The following GIGYF2 variants were observed in gnomAD, a reference collection of about 807,000 sequenced individuals.
The protein encoded by GIGYF2 is GRB10-interacting GYF protein 2.
A neutral mutation model predicts 208.1 loss-of-function variants in GIGYF2; 25 were observed. The observed-to-expected ratio is 0.12, with a 90% confidence interval of 0.09 to 0.17. The LOEUF (loss-of-function observed/expected upper bound fraction) is 0.17. Among genes scored for constraint, GIGYF2 ranks in the 10% least tolerant of loss-of-function variants. The pLI is 1.00. For synonymous variants in GIGYF2, 534 were observed against 543.8 expected (o/e 0.98, Z 0.25); for missense variants, 1,302 against 1,579.4 (o/e 0.82, Z 2.98).
Position 232,791,183 on chromosome 2 carries a change from C to T in GIGYF2, c.1093+13C>T, listed in dbSNP as rs565216399. On this transcript the variant is annotated intron_variant, in intron 11 of 28. Transcript: ENST00000373563. The stretch of plus-strand genomic sequence containing the variant: ...AGAGTAGGAGTTGGTAAGGCCTCTT[C>T]TTGCCCTTTGCCTTTTTTTTCCTCC... 7 of 1,613,958 alleles carry T rather than the reference C, an allele frequency of 4.3e-6. No individual in the cohort carries two copies. In the East Asian group the frequency reaches 1.3e-4, roughly 31 times the overall value.
intron 21 of GIGYF2, among the ~76,000 whole-genome samples, chr2:232,823,869 G>A (rs982682818): frequency 6.6e-6 from 1 of 152,146 alleles, no homozygotes; most frequent in Non-Finnish European, 1.5e-5. Context: ...GCTTGTGGCA[G>A]CCCTGCATCG....
chr2:232,815,841 T>C lies in GIGYF2; in HGVS notation c.2208+104T>C, dbSNP rs1700890517. 8 of 719,400 alleles carry C rather than the reference T, an allele frequency of 1.1e-5. No homozygotes were observed. In the East Asian group the frequency reaches 2.1e-4, roughly 19 times the overall value. The allele number at this position is 719,400 out of a possible 1,614,324, so 44.6% of individuals were successfully genotyped here. ...AGCTAGCTATGCTTTTTACTTTCAG[T>C]TTACTGCTGCTTAGCTGGTATAAGT... On this transcript the variant is annotated intron_variant, in intron 19 of 28. Transcript: ENST00000373563.
intron 7 of GIGYF2, 142 bp downstream of exon 7, chr2:232,760,733 C>A: frequency 1.6e-6 from 1 of 624,606 alleles, no homozygotes; most frequent in Non-Finnish European, 2.9e-6. Context: ...TCAAGTTGTA[C>A]ATTAGAAATT....
intron 21 of GIGYF2, among the ~76,000 whole-genome samples, chr2:232,824,870 G>A (rs1191532783): frequency 1.3e-5 from 2 of 152,146 alleles, no homozygotes; most frequent in African/African-American, 4.8e-5. Context: ...TAATGCAGCT[G>A]GTGACTTAAA....
At chr2:232,764,116 G>A (rs903120120) in intron 8 of GIGYF2, among the ~76,000 whole-genome samples, 1 of 151,136 alleles carries the variant, frequency 6.6e-6, no homozygotes, top group Non-Finnish European at 1.5e-5. Context: ...GGAACAGTTA[G>A]GACATGGGAT....
intron 22 of GIGYF2, among the ~76,000 whole-genome samples, chr2:232,836,316 A>T (rs1286948070): frequency 2.9e-4 from 10 of 34,592 alleles, no homozygotes; most frequent in East Asian, 6.7e-4. Flanking sequence ...ATATATATAT[A>T]TATATATATA....
intron 21 of GIGYF2, among the ~76,000 whole-genome samples, chr2:232,820,741 T>C (rs948963130): frequency 5.3e-5 from 8 of 152,160 alleles, no homozygotes; most frequent in Admixed American, 3.3e-4. Context: ...TGTTCTTCAT[T>C]GTATGTTTTT....
intron 26 of GIGYF2, 105 bp from the exon 27 acceptor site, chr2:232,847,243 A>G (rs1304256330): frequency 5.5e-6 from 6 of 1,094,080 alleles, no homozygotes; most frequent in Non-Finnish European, 8.4e-6. Flanking sequence ...TCTGTCATTA[A>G]TGTTTGATTA....
intron 14 of GIGYF2, among the ~76,000 whole-genome samples, chr2:232,802,337 T>C (rs1700423758): frequency 6.6e-6 from 1 of 152,164 alleles, no homozygotes; most frequent in South Asian, 2.1e-4. Context: ...CTCCTAATGT[T>C]AGAGGAAAAG....
chr2:232,714,833 A>G (rs1189772744), intron 2 of GIGYF2, among the ~76,000 whole-genome samples: 1 of 151,540 alleles, frequency 6.6e-6, no homozygotes, highest in Non-Finnish European at 1.5e-5. Flanking sequence ...TCAGGGGTAC[A>G]TGTGCAGATT....
intron 1 of GIGYF2, among the ~76,000 whole-genome samples, chr2:232,701,297 G>T (rs762136562): frequency 1.3e-5 from 2 of 151,736 alleles, no homozygotes; most frequent in Non-Finnish European, 2.9e-5. Context: ...ATCTCACTGT[G>T]TTGCTCAGGC....
At chr2:232,766,235 G>A (rs1337282165) in intron 8 of GIGYF2, among the ~76,000 whole-genome samples, 1 of 152,152 alleles carries the variant, frequency 6.6e-6, no homozygotes, top group Admixed American at 6.5e-5. Flanking sequence ...TTAAATAACA[G>A]TAGTTTACCA....
intron 3 of GIGYF2, among the ~76,000 whole-genome samples, chr2:232,743,553 C>T (rs1282683267): frequency 5.3e-5 from 8 of 152,142 alleles, no homozygotes; most frequent in Non-Finnish European, 1.2e-4. Flanking sequence ...GTGCTCCTCT[C>T]CCTCCTCCTG....
chr2:232,742,870 G>A (rs1464065972), intron 3 of GIGYF2, among the ~76,000 whole-genome samples: 1 of 152,124 alleles, frequency 6.6e-6, no homozygotes, highest in African/African-American at 2.4e-5. Flanking sequence ...TTGATGAGTA[G>A]GGTTAGGGTT....
At chr2:232,845,326 TTC>T (rs1701962852) in intron 25 of GIGYF2, among the ~76,000 whole-genome samples, 1 of 152,224 alleles carries the variant, frequency 6.6e-6, no homozygotes, top group South Asian at 2.1e-4. Context: ...AACAATAAAT[TTC>T]TGTTAGTTTA....
chr2:232,750,012 C>T (rs1698280366), intron 5 of GIGYF2, among the ~76,000 whole-genome samples: 1 of 151,872 alleles, frequency 6.6e-6, no homozygotes, highest in African/African-American at 2.4e-5. Context: ...TGGTGAAACC[C>T]TATCTCTACT....
chr2:232,810,000 AT>A (rs1420308707), intron 16 of GIGYF2, among the ~76,000 whole-genome samples, 189 bp downstream of exon 16: 2 of 137,226 alleles, frequency 1.5e-5, no homozygotes, highest in African/African-American at 5.7e-5. Context: ...TTATTTATTT[AT>A]TTTTGAGACA....
intron 14 of GIGYF2, among the ~76,000 whole-genome samples, chr2:232,805,287 C>T (rs955301740): frequency 6.6e-6 from 1 of 151,970 alleles, no homozygotes; most frequent in African/African-American, 2.4e-5. Context: ...GCTAGTTGGT[C>T]TATCACGTGG....
At chr2:232,773,135 CTTA>C (rs1699337774) in intron 8 of GIGYF2, among the ~76,000 whole-genome samples, 2 of 152,038 alleles carry the variant, frequency 1.3e-5, no homozygotes, top group African/African-American at 4.8e-5. Context: ...TGTTTTATAA[CTTA>C]TTACCCTAAC....
Sources: allele counts gnomAD v4.1 joint callset (sites outside exome capture counted in the v4.1 genomes callset), GRCh38; gene constraint gnomAD v4.1.1; transcripts MANE v1.5; gene names NCBI Gene and HGNC (gene_info 2026-07-23, HGNC 2026-07-21).